The following CDCP1 variants were observed in gnomAD, a reference collection of about 807,000 sequenced individuals.
The protein encoded by CDCP1 is CUB domain-containing protein 1.
A neutral mutation model predicts 60.2 loss-of-function variants in CDCP1; 29 were observed. The observed-to-expected ratio is 0.48, with a 90% CI of 0.36 to 0.66. CDCP1 has a LOEUF of 0.66. Among genes scored for constraint, CDCP1 ranks in the 30% least tolerant of loss-of-function variants. The probability of loss-of-function intolerance (pLI) is 0.00; values close to 1 mark genes in which losing one functional copy is unlikely to be tolerated. For missense variants in CDCP1, 876 were observed against 1,074.3 expected (o/e 0.82, Z 2.58); for synonymous variants, 387 against 431.1 (o/e 0.90, Z 1.27).
chr3:45,133,717 C>CA lies in CDCP1; in HGVS notation c.82+12488dup, dbSNP rs1215278385. ...TGGGCGACAGAGCGAGACTCCGTCTCAAAAAAAAAAAAAAAAAAAAAAAAA... is the reference window on the plus strand; with the variant it reads ...TGGGCGACAGAGCGAGACTCCGTCTCAAAAAAAAAAAAAAAAAAAAAAAAAA... On this transcript the variant is annotated intron_variant, in intron 1 of 8. Transcript: ENST00000296129. Among the ~76,000 whole-genome samples, 218 of 50,280 alleles carry CA rather than the reference C, an allele frequency of 4.3e-3. 41 individuals carry two copies. The highest frequency in any genetic ancestry group is 0.028 in the African/African-American group (206 of 7,374). The allele number at this position is 50,280 out of a possible 152,430, so 33.0% of individuals were successfully genotyped here. A position where few individuals can be genotyped will look rare whatever the true frequency, so the allele number is the denominator to read the frequency against.
chr3:45,117,954 G>C (rs112805529), intron 2 of CDCP1, among the ~76,000 whole-genome samples: 1 of 152,080 alleles, frequency 6.6e-6, no homozygotes, highest in African/African-American at 2.4e-5. Context: ...GAACCACCAC[G>C]CCCGGCCTCT....
intron 4 of CDCP1, among the ~76,000 whole-genome samples, chr3:45,106,845 C>G (rs1698574658): frequency 6.6e-6 from 1 of 152,160 alleles, no homozygotes; most frequent in Non-Finnish European, 1.5e-5. Context: ...TCCTCTAGCA[C>G]TCACAGGAGA....
At chr3:45,140,728 G>C (rs1455592609) in intron 1 of CDCP1, among the ~76,000 whole-genome samples, 1 of 152,234 alleles carries the variant, frequency 6.6e-6, no homozygotes, top group African/African-American at 2.4e-5. Context: ...TTTCTCAGGA[G>C]AAAATAGCTT....
Position 45,108,951 on chromosome 3 carries a change from A to AT in CDCP1, c.1024+1521dup, listed in dbSNP as rs1232293607. 7.2e-4 allele frequency among the ~76,000 whole-genome samples: 18 copies of AT among 25,094 alleles called. 6 individuals carry two copies. In the South Asian group the frequency reaches 0.012, roughly 16 times the overall value. 16.5% of individuals were successfully genotyped at this position (25,094 alleles called of 152,430 possible). On this transcript the variant is annotated intron_variant, in intron 4 of 8. Transcript: ENST00000296129. ...TGCATGTATACATATATATATATATATATTTTTTTTTTTTTTGAGATGGAG... is the reference window on the plus strand; with the variant it reads ...TGCATGTATACATATATATATATATATTATTTTTTTTTTTTTTGAGATGGAG...
At chr3:45,144,371 C>T (rs1343742579) in intron 1 of CDCP1, among the ~76,000 whole-genome samples, 1 of 152,222 alleles carries the variant, frequency 6.6e-6, no homozygotes, top group Non-Finnish European at 1.5e-5. Flanking sequence ...CAGGCAACTA[C>T]TCCAACCACA....
chr3:45,118,517 T>G lies in CDCP1; in HGVS notation c.187A>C (p.Arg63=). 6.2e-7 allele frequency: 1 copy of G among 1,614,126 alleles called. No individual in the cohort carries two copies. The highest frequency in any genetic ancestry group is 8.5e-7 in the Non-Finnish European group (1 of 1,179,942). The stretch of plus-strand genomic sequence containing the variant: ...TTGATGGACAACATGGTTATATGTC[T>G]TTTAGAAATGACGATGTAACAGGGT... ...AKPCYIVISK[R]HITMLSIKSG... is the part of the protein sequence containing the mutation. The change falls in exon 2 of 9, where the codon AGA becomes CGA. Residue 63 remains arginine, a synonymous_variant. Transcript: ENST00000296129.
In CDCP1 at chr3:45,085,588, C is replaced by T. The variant is rs954972756; in HGVS notation, c.*50G>A. ...TCTGGTTAGGAACACGGACGGGTGTCTCAGTGCCCTGCTTTATGAAACTCA... is the reference window on the plus strand; with the variant it reads ...TCTGGTTAGGAACACGGACGGGTGTTTCAGTGCCCTGCTTTATGAAACTCA... On this transcript the variant is annotated 3_prime_UTR_variant, in exon 9 of 9. Transcript: ENST00000296129. This position sits in a 1 kb window ranked among gnomAD's most constrained non-coding sequence, Gnocchi z 4.2. 4 of 1,539,466 alleles carry T rather than the reference C, an allele frequency of 2.6e-6. No individual in the cohort carries two copies. Among genetic ancestry groups the T allele is most frequent in the Non-Finnish European group, 3.5e-6 (4 of 1,133,782 alleles).
chr3:45,110,943 T>A, intron 3 of CDCP1, 102 bp from the exon 4 acceptor site: 2 of 1,304,802 alleles, frequency 1.5e-6, no homozygotes, highest in Non-Finnish European at 2.1e-6. Flanking sequence ...ATGACTGCAG[T>A]TCTCAGATCC....
chr3:45,097,672 C>T (rs79330620), intron 4 of CDCP1, among the ~76,000 whole-genome samples: 3,406 of 152,330 alleles, frequency 0.022, 57 homozygotes, highest in Non-Finnish European at 0.036. Flanking sequence ...AAACTTCCTT[C>T]TTCCTCATAA....
intron 1 of CDCP1, among the ~76,000 whole-genome samples, chr3:45,142,219 A>T (rs1164296310): frequency 6.6e-6 from 1 of 151,636 alleles, no homozygotes; most frequent in East Asian, 1.9e-4. Context: ...CCACTGTCCC[A>T]CCCACCCTGA....
At chr3:45,105,371 C>T (rs970470412) in intron 4 of CDCP1, among the ~76,000 whole-genome samples, 6 of 152,076 alleles carry the variant, frequency 3.9e-5, no homozygotes, top group Middle Eastern at 3.2e-3. Context: ...AAAACAAATC[C>T]AATAATTATT....
intron 4 of CDCP1, among the ~76,000 whole-genome samples, chr3:45,098,381 G>A (rs1032354661): frequency 3.9e-5 from 6 of 152,088 alleles, no homozygotes; most frequent in Non-Finnish European, 7.4e-5. Flanking sequence ...TGCAGATGAA[G>A]AGAAAAAAGA....
At chr3:45,095,731 T>C (rs918409398) in intron 4 of CDCP1, among the ~76,000 whole-genome samples, 163 bp from the exon 5 acceptor site, 1 of 151,672 alleles carries the variant, frequency 6.6e-6, no homozygotes, top group Admixed American at 6.6e-5. Flanking sequence ...ACAATAACTA[T>C]AAAAGACAGT....
chr3:45,132,756 G>A (rs1699120450), intron 1 of CDCP1, among the ~76,000 whole-genome samples: 2 of 152,196 alleles, frequency 1.3e-5, no homozygotes, highest in South Asian at 4.1e-4. Context: ...GCATGTGGCA[G>A]GCCCTCAAAG....
At chr3:45,132,354 C>T (rs934943631) in intron 1 of CDCP1, among the ~76,000 whole-genome samples, 2 of 152,118 alleles carry the variant, frequency 1.3e-5, no homozygotes, top group East Asian at 1.9e-4. Flanking sequence ...AGGTTACATC[C>T]GGCTATTTCT....
intron 8 of CDCP1, among the ~76,000 whole-genome samples, chr3:45,088,001 A>G (rs1698228415): frequency 6.6e-6 from 1 of 150,702 alleles, no homozygotes; most frequent in Non-Finnish European, 1.5e-5. Context: ...CAGCCTGGCA[A>G]CAGAGTGAGA....
At chr3:45,101,741 C>T (rs888037569) in intron 4 of CDCP1, among the ~76,000 whole-genome samples, 1 of 152,010 alleles carries the variant, frequency 6.6e-6, no homozygotes, top group African/African-American at 2.4e-5. Flanking sequence ...ACAAAATTAG[C>T]TTGGCATGGT....
intron 1 of CDCP1, among the ~76,000 whole-genome samples, chr3:45,129,410 T>A (rs995093079): frequency 3.9e-5 from 6 of 152,220 alleles, no homozygotes; most frequent in Non-Finnish European, 7.3e-5. Flanking sequence ...AATAACAGAC[T>A]TTGAACACGG....
chr3:45,088,810 G>C (rs1215973704), intron 8 of CDCP1, among the ~76,000 whole-genome samples: 1 of 152,110 alleles, frequency 6.6e-6, no homozygotes, highest in African/African-American at 2.4e-5. Context: ...TTGTGCTGAG[G>C]CAGCTGCACC....
Sources: allele counts gnomAD v4.1 joint callset (sites outside exome capture counted in the v4.1 genomes callset), GRCh38; gene constraint gnomAD v4.1.1; non-coding constraint Gnocchi (gnomAD v3.1); transcripts MANE v1.5; gene names NCBI Gene and HGNC (gene_info 2026-07-23, HGNC 2026-07-21).